Variants in COL20A1 observed in about 807,000 individuals in gnomAD.
The protein encoded by COL20A1 is collagen type XX alpha 1 chain.
In COL20A1, 164 loss-of-function variants were observed where a neutral mutation model predicts 152.9. The ratio of observed to expected loss-of-function variants is 1.07; its 90% CI spans 0.94 to 1.22. COL20A1 has a LOEUF of 1.22. COL20A1 is among the 50% of genes most tolerant of loss of function. The pLI is 0.00. For synonymous variants in COL20A1, 864 were observed against 756.0 expected (o/e 1.14, Z -2.34); for missense variants, 1,873 against 1,744.8 (o/e 1.07, Z -1.31).
chr20:63,302,949 G>T (rs2067878342), intron 3 of COL20A1, among the ~76,000 whole-genome samples: 2 of 152,178 alleles, frequency 1.3e-5, no homozygotes, highest in Non-Finnish European at 2.9e-5. Context: ...TATCAGTGGT[G>T]CTGTGTAACT....
At chr20:63,295,560 A>G (rs1186333829) in intron 2 of COL20A1, among the ~76,000 whole-genome samples, 1 of 151,606 alleles carries the variant, frequency 6.6e-6, no homozygotes, top group Non-Finnish European at 1.5e-5. Flanking sequence ...TTTTGGGCAC[A>G]TAGCCCTCTG....
rs995740823 is a variant in COL20A1, at chr20:63,315,508, C to T, written c.2524+69C>T. On this transcript the variant is annotated intron_variant, in intron 20 of 35. Transcript: ENST00000358894. ...TCGGGCTCTTCCTGGGCGTGGGGGC[C>T]AAGGGTGTCGTGACCTGGGACCCAG... 4 of 1,410,662 alleles carry T rather than the reference C, an allele frequency of 2.8e-6. No homozygotes were observed. In the African/African-American group the frequency reaches 4.3e-5, roughly 15 times the overall value. The allele number at this position is 1,410,662 out of a possible 1,614,324, so 87.4% of individuals were successfully genotyped here. A position where few individuals can be genotyped will look rare whatever the true frequency, so the allele number is the denominator to read the frequency against.
At chr20:63,295,580 G>A (rs527448950) in intron 2 of COL20A1, among the ~76,000 whole-genome samples, 1 of 152,276 alleles carries the variant, frequency 6.6e-6, no homozygotes, top group African/African-American at 2.4e-5. Flanking sequence ...GGCTTCTCTC[G>A]GTGCGGCACT....
intron 3 of COL20A1, among the ~76,000 whole-genome samples, chr20:63,299,704 G>A (rs1046230960): frequency 6.6e-6 from 1 of 152,018 alleles, no homozygotes; most frequent in African/African-American, 2.4e-5. Flanking sequence ...TTTGTCAAGA[G>A]AATGCATTAT....
Position 63,312,526 on chromosome 20 carries a change from C to G in COL20A1, c.1910C>G (p.Thr637Arg). The change falls in exon 15 of 36, where the codon ACG becomes AGG. Residue 637 changes from threonine to arginine, a missense_variant. Transcript: ENST00000358894. ...TCLYPGGGSS[T>R]LTGRVTTKKA... Reference sequence around the variant, plus strand: ...CTCTACCCTGGGGGTGGCTCCTCTACGCTGACTGGCCGGGTGACCACCAGT... The same window carrying G: ...CTCTACCCTGGGGGTGGCTCCTCTAGGCTGACTGGCCGGGTGACCACCAGT... 1 of 1,599,074 alleles carries G rather than the reference C, an allele frequency of 6.3e-7. No homozygotes were observed. Among genetic ancestry groups the G allele is most frequent in the Non-Finnish European group, 8.5e-7 (1 of 1,175,026 alleles).
Position 63,305,731 on chromosome 20 carries a change from G to T in COL20A1, c.338-150G>T. On this transcript the variant is annotated intron_variant, in intron 4 of 35. Transcript: ENST00000358894. This position sits in a 1 kb window ranked among gnomAD's most constrained non-coding sequence, Gnocchi z 4.9. The stretch of plus-strand genomic sequence containing the variant: ...GGTTCAAGTCCCGACTCACCAGCAA[G>T]GCTGCCTTGCCCCTGACATCTTTGC... 9.3e-7 allele frequency: 1 copy of T among 1,071,796 alleles called. No individual in the cohort carries two copies. The highest frequency in any genetic ancestry group is 1.5e-5 in the South Asian group (1 of 64,562). 66.4% of individuals were successfully genotyped at this position (1,071,796 alleles called of 1,614,324 possible).
At chr20:63,308,444 G>A in intron 7 of COL20A1, 98 bp from the exon 8 acceptor site, 1 of 1,204,880 alleles carries the variant, frequency 8.3e-7, no homozygotes. Flanking sequence ...ACCCCACAAG[G>A]GAAGGAGAGG....
chr20:63,300,138 A>G (rs1465786452), intron 3 of COL20A1, among the ~76,000 whole-genome samples: 1 of 152,166 alleles, frequency 6.6e-6, no homozygotes, highest in Non-Finnish European at 1.5e-5. Context: ...AGATTTTTAT[A>G]CTTATATTCA....
intron 26 of COL20A1, among the ~76,000 whole-genome samples, chr20:63,321,643 C>G (rs950139154): frequency 2.0e-5 from 3 of 152,196 alleles, no homozygotes; most frequent in Non-Finnish European, 4.4e-5. Flanking sequence ...GGAGGCGGCC[C>G]TCCAGGCCTG....
At chr20:63,296,713 C>G (rs986657167) in intron 2 of COL20A1, among the ~76,000 whole-genome samples, 11 of 152,196 alleles carry the variant, frequency 7.2e-5, no homozygotes, top group African/African-American at 2.7e-4. Flanking sequence ...GGGAGGGGCC[C>G]TGCTCACAGC....
chr20:63,302,664 GA>G, intron 3 of COL20A1, among the ~76,000 whole-genome samples: 1 of 152,034 alleles, frequency 6.6e-6, no homozygotes, highest in Middle Eastern at 3.4e-3. Context: ...ATTGGGGTGT[GA>G]ACAGAGTCTA....
intron 3 of COL20A1, among the ~76,000 whole-genome samples, chr20:63,299,005 A>T (rs1214231739): frequency 2.6e-5 from 4 of 152,150 alleles, no homozygotes; most frequent in Non-Finnish European, 5.9e-5. Flanking sequence ...GTTTCAGAAC[A>T]TTCTCTAAGT....
At chr20:63,308,777 T>C in intron 8 of COL20A1, 71 bp downstream of exon 8, 1 of 1,343,296 alleles carries the variant, frequency 7.4e-7, no homozygotes, top group Non-Finnish European at 1.0e-6. Context: ...AGCAGGGAGC[T>C]TGCATTGGGC....
chr20:63,317,361 G>T (rs1390986668), intron 21 of COL20A1, among the ~76,000 whole-genome samples: 2 of 151,756 alleles, frequency 1.3e-5, no homozygotes, highest in African/African-American at 4.8e-5. Context: ...AGCTACTCGG[G>T]AGGCTGAGGT....
At chr20:63,328,601 TC>T in intron 34 of COL20A1, 103 bp downstream of exon 34, 1 of 1,132,764 alleles carries the variant, frequency 8.8e-7, no homozygotes, top group Non-Finnish European at 1.2e-6. Flanking sequence ...GCACAGCAGC[TC>T]CTGCTGGAGA....
At chr20:63,316,219 C>T (rs2068082380) in intron 20 of COL20A1, among the ~76,000 whole-genome samples, 1 of 151,830 alleles carries the variant, frequency 6.6e-6, no homozygotes, top group Non-Finnish European at 1.5e-5. Flanking sequence ...GGCTCATGAT[C>T]GGGGGCTGGG....
At position 63,325,712 on chromosome 20, in the gene COL20A1, G is replaced by T; in HGVS notation, c.3393G>T (p.Gln1131His). ...GCATCCCCGGGAGAGTTGGCCTCCA[G>T]GGACCAAAGGTGCCGGCTCTGGGCT... ...HQGIPGRVGL[Q>H]GPKGMRGLEG... The change falls in exon 29 of 36, where the codon CAG becomes CAT. Residue 1131 changes from glutamine (Q) to histidine (H), a missense_variant. By Grantham distance (24) the Gln-to-His change is conservative. Transcript: ENST00000358894. 2 of 1,612,006 alleles carry T rather than the reference G, an allele frequency of 1.2e-6. No homozygotes were observed. The highest frequency in any genetic ancestry group is 1.7e-4 in the Middle Eastern group (1 of 5,952).
intron 3 of COL20A1, among the ~76,000 whole-genome samples, chr20:63,304,267 G>A (rs1288551568): frequency 5.9e-5 from 6 of 102,034 alleles, no homozygotes; most frequent in African/African-American, 2.0e-4. Flanking sequence ...CTCCAGGTGC[G>A]CAGGTGTGGG....
In COL20A1 at chr20:63,309,394, C is replaced by T. The variant is rs868862296; in HGVS notation, c.1002C>T (p.Thr334=). 11 of 1,554,550 alleles carry T rather than the reference C, an allele frequency of 7.1e-6. No homozygotes were observed. Among genetic ancestry groups the T allele is most frequent in the Middle Eastern group, 1.7e-4 (1 of 5,978 alleles). The change falls in exon 9 of 36, where the codon ACC becomes ACT. Residue 334 remains threonine, a synonymous_variant. Coordinates refer to ENST00000358894, the MANE Select transcript of COL20A1 (RefSeq NM_020882.4). ...RLLASPPRDI[T]VHSVLDFLQL... ...TGGCGTCCCCGCCGAGGGACATCACCGTCCACAGCGTGCTGGACTTCCTGC... is the reference window on the plus strand; with the variant it reads ...TGGCGTCCCCGCCGAGGGACATCACTGTCCACAGCGTGCTGGACTTCCTGC...
Sources: allele counts gnomAD v4.1 joint callset (sites outside exome capture counted in the v4.1 genomes callset), GRCh38; gene constraint gnomAD v4.1.1; non-coding constraint Gnocchi (gnomAD v3.1); transcripts MANE v1.5; gene names NCBI Gene and HGNC (gene_info 2026-07-23, HGNC 2026-07-21).